Variants in RAB3C observed in about 807,000 individuals in gnomAD.
RAB3C encodes RAB3C, member RAS oncogene family.
Under a neutral mutation model 26.4 loss-of-function variants are expected in RAB3C, and 17 were observed. The observed-to-expected ratio is 0.64, with a 90% CI of 0.44 to 0.97. The LOEUF (loss-of-function observed/expected upper bound fraction) is 0.97, where lower values mean the gene tolerates loss of function less well. RAB3C is among the 50% of genes least tolerant of loss of function. RAB3C has a pLI of 0.00. For missense variants in RAB3C, 242 were observed against 281.9 expected (o/e 0.86, Z 1.01); for synonymous variants, 91 against 95.9 (o/e 0.95, Z 0.30).
chr5:58,696,582 A>G lies in RAB3C; in HGVS notation c.253-29420A>G, dbSNP rs565263040. Reference sequence around the variant, plus strand: ...CTTTTTGTTTGGTAGGCTATTAATTATTGCTTCAATTTCAGAGCCTGTTAT... The same window carrying G: ...CTTTTTGTTTGGTAGGCTATTAATTGTTGCTTCAATTTCAGAGCCTGTTAT... On this transcript the variant is annotated intron_variant, in intron 2 of 4. Coordinates refer to ENST00000282878, the MANE Select transcript of RAB3C (RefSeq NM_138453.4). 5.8e-4 allele frequency among the ~76,000 whole-genome samples: 88 copies of G among 152,312 alleles called. 3 individuals carry two copies. The South Asian group carries it at 0.017, about 29-fold the overall frequency.
At chr5:58,616,141 A>G (rs1488481179) in intron 1 of RAB3C, among the ~76,000 whole-genome samples, 1 of 152,110 alleles carries the variant, frequency 6.6e-6, no homozygotes, top group Non-Finnish European at 1.5e-5. Flanking sequence ...GTAACTATTA[A>G]TCAGCTTTTA....
At chr5:58,653,977 T>A (rs1354091352) in intron 2 of RAB3C, among the ~76,000 whole-genome samples, 1 of 152,222 alleles carries the variant, frequency 6.6e-6, no homozygotes, top group East Asian at 1.9e-4. Context: ...GTGTTTTACA[T>A]TAAATAACCC....
chr5:58,601,797 T>A (rs986721570), intron 1 of RAB3C, among the ~76,000 whole-genome samples: 1 of 152,166 alleles, frequency 6.6e-6, no homozygotes, highest in Non-Finnish European at 1.5e-5. Flanking sequence ...AAGAACCAGC[T>A]TTTTGTTTCA....
chr5:58,720,434 TCTTTAATGATTCAAAA>T (rs1158608993), intron 2 of RAB3C, among the ~76,000 whole-genome samples: 1 of 151,938 alleles, frequency 6.6e-6, no homozygotes, highest in Non-Finnish European at 1.5e-5. Context: ...ATTTAATCTG[TCTTTAATGATTCAAAA>T]CATTTTCTTT....
intron 2 of RAB3C, among the ~76,000 whole-genome samples, chr5:58,689,729 A>G (rs1385717521): frequency 6.6e-6 from 1 of 152,064 alleles, no homozygotes; most frequent in Non-Finnish European, 1.5e-5. Flanking sequence ...GACACAAGTT[A>G]AGTGGGGTGG....
intron 3 of RAB3C, chr5:58,822,781 C>A: frequency 1.8e-6 from 1 of 563,108 alleles, no homozygotes; most frequent in South Asian, 1.5e-5. Context: ...TGAAGGTTGG[C>A]CTGACAAATT....
chr5:58,845,160 C>G (rs929821589), intron 4 of RAB3C, among the ~76,000 whole-genome samples: 1 of 152,172 alleles, frequency 6.6e-6, no homozygotes, highest in African/African-American at 2.4e-5. Flanking sequence ...CTGGAGCCTG[C>G]CACCTCAGTG....
chr5:58,627,874 G>A (rs935885784), intron 2 of RAB3C, among the ~76,000 whole-genome samples: 4 of 152,080 alleles, frequency 2.6e-5, no homozygotes, highest in Non-Finnish European at 4.4e-5. Flanking sequence ...ACAAAGCATC[G>A]GGGCCAGGCG....
chr5:58,677,976 TTGTGTGTG>T (rs70973149), intron 2 of RAB3C, among the ~76,000 whole-genome samples: 1 of 147,782 alleles, frequency 6.8e-6, no homozygotes, highest in African/African-American at 2.5e-5. Context: ...CTAGATTATT[TTGTGTGTG>T]TGTGTGTGTG....
intron 2 of RAB3C, among the ~76,000 whole-genome samples, chr5:58,708,358 C>G (rs1010352900): frequency 6.6e-6 from 1 of 152,192 alleles, no homozygotes; most frequent in Non-Finnish European, 1.5e-5. Flanking sequence ...TGCCCATCTG[C>G]CTGCTCTCAC....
chr5:58,691,848 C>T (rs552521418), intron 2 of RAB3C, among the ~76,000 whole-genome samples: 3 of 152,148 alleles, frequency 2.0e-5, no homozygotes, highest in Non-Finnish European at 4.4e-5. Context: ...TACCATGATT[C>T]GATTAGTGTG....
At chr5:58,811,885 C>T (rs6870513) in intron 3 of RAB3C, among the ~76,000 whole-genome samples, 3,619 of 152,138 alleles carry the variant, frequency 0.024, 141 homozygotes, top group African/African-American at 0.083. Context: ...GAAAGCCCCC[C>T]AGCTCTTCAC....
At chr5:58,734,351 C>G (rs1339660817) in intron 3 of RAB3C, among the ~76,000 whole-genome samples, 1 of 152,162 alleles carries the variant, frequency 6.6e-6, no homozygotes, top group Non-Finnish European at 1.5e-5. Context: ...GCTTTCTAAT[C>G]TAGCTCAAGG....
chr5:58,672,362 T>C (rs914535221), intron 2 of RAB3C, among the ~76,000 whole-genome samples: 1 of 152,208 alleles, frequency 6.6e-6, no homozygotes, highest in Non-Finnish European at 1.5e-5. Flanking sequence ...CATGGACCTC[T>C]AATGCAGTGG....
chr5:58,692,576 A>G (rs993279150), intron 2 of RAB3C, among the ~76,000 whole-genome samples: 10 of 152,104 alleles, frequency 6.6e-5, no homozygotes, highest in Non-Finnish European at 1.5e-4. Context: ...TTTACTGTAA[A>G]CATTGAGGTG....
rs77029579 is a variant in RAB3C at position 58,691,120 on chromosome 5, G to A, written c.253-34882G>A. The stretch of plus-strand genomic sequence containing the variant: ...AGTAAAAAAAAAAAATGGATAAATT[G>A]CTTTATTTCTTTCAAGCCACTAGTT... On this transcript the variant is annotated intron_variant, in intron 2 of 4. Transcript: ENST00000282878. Among the ~76,000 whole-genome samples, 597 of 151,980 alleles carry A rather than the reference G, an allele frequency of 3.9e-3. 1 individual carries two copies. Among genetic ancestry groups the A allele is most frequent in the African/African-American group, 0.012 (500 of 41,484 alleles).
intron 3 of RAB3C, among the ~76,000 whole-genome samples, chr5:58,772,003 G>A (rs537238362): frequency 5.9e-5 from 9 of 152,004 alleles, no homozygotes; most frequent in African/African-American, 1.2e-4. Flanking sequence ...AAAGAGCAAC[G>A]TTGAAATACT....
At chr5:58,841,985 T>C (rs1743885681) in intron 4 of RAB3C, among the ~76,000 whole-genome samples, 1 of 152,194 alleles carries the variant, frequency 6.6e-6, no homozygotes, top group Non-Finnish European at 1.5e-5. Context: ...AGGGATACCA[T>C]TGAGTAAGTA....
intron 2 of RAB3C, among the ~76,000 whole-genome samples, chr5:58,635,786 A>G (rs539585323): frequency 1.3e-5 from 2 of 152,320 alleles, no homozygotes; most frequent in East Asian, 1.9e-4. Flanking sequence ...AAGGCAGTCC[A>G]TGATCATGAT....
Sources: gnomAD v4.1 joint callset for allele counts (sites outside exome capture counted in the v4.1 genomes callset) on GRCh38, gnomAD v4.1.1 for gene constraint, MANE v1.5 for transcripts, NCBI Gene and HGNC (gene_info 2026-07-23, HGNC 2026-07-21) for gene names.